ZW10: variants seen among roughly 807,000 people sequenced by gnomAD.
ZW10 encodes zw10 kinetochore protein.
A neutral mutation model predicts 87.8 loss-of-function variants in ZW10; 53 were observed. That is an observed-to-expected ratio of 0.60 (90% confidence interval 0.48 to 0.76). The LOEUF (loss-of-function observed/expected upper bound fraction) is 0.76. Ranked by LOEUF, ZW10 falls within the 30% of genes least tolerant of loss-of-function variation. The pLI is 0.00. For synonymous variants in ZW10, 312 were observed against 329.2 expected (o/e 0.95, Z 0.57); for missense variants, 837 against 923.0 (o/e 0.91, Z 1.21).
At chr11:113,741,030 G>A (rs994041954) in intron 11 of ZW10, among the ~76,000 whole-genome samples, 12 of 151,570 alleles carry the variant, frequency 7.9e-5, no homozygotes, top group African/African-American at 2.9e-4. Context: ...TTCACAATAA[G>A]CTTTTATAAT....
intron 11 of ZW10, among the ~76,000 whole-genome samples, chr11:113,740,195 G>A (rs202138725): frequency 2.1e-4 from 32 of 151,522 alleles, no homozygotes; most frequent in African/African-American, 6.8e-4. Flanking sequence ...TAAAAAAAAA[G>A]AAAAAAACAC....
intron 12 of ZW10, 60 bp downstream of exon 12, chr11:113,739,153 G>A: frequency 6.4e-7 from 1 of 1,571,652 alleles, no homozygotes; most frequent in Non-Finnish European, 8.6e-7. Flanking sequence ...AAACTATAAA[G>A]ATACTATGTT....
At chr11:113,737,749 C>T (rs1953570064) in intron 13 of ZW10, 46 bp from the exon 14 acceptor site, 1 of 1,546,040 alleles carries the variant, frequency 6.5e-7, no homozygotes, top group African/African-American at 1.4e-5. Flanking sequence ...ATTACTGTGA[C>T]TCGTATTTTC....
chr11:113,747,861 T>C (rs1204386807), intron 8 of ZW10, 148 bp from the exon 9 acceptor site: 1 of 541,440 alleles, frequency 1.8e-6, no homozygotes, highest in African/African-American at 1.9e-5. Context: ...AATATACATA[T>C]TTCCAGCCTT....
rs1234942955 is a variant in ZW10, at chr11:113,733,289, C to T, written c.*405G>A. On this transcript the variant is annotated 3_prime_UTR_variant, in exon 16 of 16. Transcript: ENST00000200135. The stretch of plus-strand genomic sequence containing the variant: ...CATTCCTCCCTTCCCCTCCTCCACA[C>T]CCCTAAAATATCTCCGATTTGCTCA... The T allele has an allele frequency of 6.2e-6, 1 of 161,470 alleles. No individual in the cohort carries two copies. The highest frequency in any genetic ancestry group is 1.4e-5 in the Non-Finnish European group (1 of 74,014). 10.0% of individuals were successfully genotyped at this position (161,470 alleles called of 1,614,324 possible). A position where few individuals can be genotyped will look rare whatever the true frequency, so the allele number is the denominator to read the frequency against.
At chr11:113,740,040 A>G (rs1421290112) in intron 11 of ZW10, among the ~76,000 whole-genome samples, 2 of 152,178 alleles carry the variant, frequency 1.3e-5, no homozygotes, top group Non-Finnish European at 2.9e-5. Flanking sequence ...TATTTCTGCT[A>G]TCTACCCACT....
rs1953846850 is a variant in ZW10, at chr11:113,760,572, C to T, written c.361G>A (p.Glu121Lys). 1.2e-6 allele frequency: 2 copies of T among 1,612,534 alleles called. No homozygotes were observed. Among genetic ancestry groups the T allele is most frequent in the East Asian group, 2.2e-5 (1 of 44,850 alleles). The change falls in exon 4 of 16, where the codon GAA (glutamate) becomes AAA (lysine). Residue 121 changes from glutamate (E) to lysine (K), a missense_variant. By Grantham distance (56) the Glu-to-Lys change is moderately conservative. Coordinates refer to ENST00000200135, the MANE Select transcript of ZW10 (RefSeq NM_004724.4). ...QLQEFSTAIE[E>K]YNCALTEKKY... ...TTCTCTGTTAATGCACAATTATATT[C>T]TTCAATAGCAGTGGAAAACTGAAAA...
Position 113,747,678 on chromosome 11 carries a change from T to C in ZW10, c.1125A>G (p.Leu375=). ...IQSTEEFENA[L]KEMRFLKGDT... ...CTCCTTTTAAAAATCTCATTTCCTT[T>C]AGGGCATTTTCAAATTCTTCAGTGG... The change falls in exon 9 of 16, where the codon CTA becomes CTG. Residue 375 remains leucine (L), a synonymous_variant. Coordinates refer to ENST00000200135, the MANE Select transcript of ZW10 (RefSeq NM_004724.4). 1.2e-6 allele frequency: 2 copies of C among 1,612,330 alleles called. No individual in the cohort carries two copies. The highest frequency in any genetic ancestry group is 1.7e-6 in the Non-Finnish European group (2 of 1,178,966).
rs1445028735 is a variant in ZW10, at chr11:113,733,637, A to G, written c.*57T>C. ...ATTCAAAGAAGTCTTTAAGGGAGTA[A>G]TTATGCCAAGGGAAGAATCCACATA... On this transcript the variant is annotated 3_prime_UTR_variant, in exon 16 of 16. Coordinates refer to ENST00000200135, the MANE Select transcript of ZW10 (RefSeq NM_004724.4). 1.2e-6 allele frequency: 2 copies of G among 1,610,834 alleles called. No homozygotes were observed. Among genetic ancestry groups the G allele is most frequent in the South Asian group, 1.1e-5 (1 of 90,660 alleles).
chr11:113,746,536 C>A (rs1953679230), intron 9 of ZW10, among the ~76,000 whole-genome samples: 1 of 148,454 alleles, frequency 6.7e-6, no homozygotes, highest in South Asian at 2.1e-4. Flanking sequence ...ACTCTACCCT[C>A]ATGGAGCTTA....
chr11:113,769,058 A>C, intron 1 of ZW10, 91 bp from the exon 2 acceptor site: 1 of 1,391,114 alleles, frequency 7.2e-7, no homozygotes, highest in Non-Finnish European at 9.9e-7. Context: ...GGCATTTTCC[A>C]TGTTAGAACC....
rs181660125 is a variant in ZW10, at chr11:113,753,921, G to T, written c.925+3741C>A. Among the ~76,000 whole-genome samples the T allele has an allele frequency of 4.6e-5, 7 of 152,328 alleles. No individual in the cohort carries two copies. In the South Asian group the frequency reaches 1.4e-3, roughly 32 times the overall value. On this transcript the variant is annotated intron_variant, in intron 7 of 15. Coordinates refer to ENST00000200135, the MANE Select transcript of ZW10 (RefSeq NM_004724.4). ...CTGTCTCCATAATAGAAAAGCTCAA[G>T]GTGAAGCAGCAAGTGCCAATGGAAA...
intron 11 of ZW10, among the ~76,000 whole-genome samples, chr11:113,739,648 T>C (rs1953593202): frequency 6.6e-6 from 1 of 152,214 alleles, no homozygotes; most frequent in Admixed American, 6.5e-5. Flanking sequence ...GAGTCAACTT[T>C]TTGCACTGAA....
intron 7 of ZW10, among the ~76,000 whole-genome samples, chr11:113,755,992 G>A (rs1432595622): frequency 1.3e-5 from 2 of 152,112 alleles, no homozygotes; most frequent in African/African-American, 4.8e-5. Flanking sequence ...TATATGCACT[G>A]GGAAATAAAA....
intron 11 of ZW10, 114 bp from the exon 12 acceptor site, chr11:113,739,496 C>A (rs1565279562): frequency 2.2e-6 from 2 of 927,710 alleles, no homozygotes; most frequent in Non-Finnish European, 3.2e-6. Flanking sequence ...TGTCTAGTTT[C>A]TAAATGCTAT....
intron 1 of ZW10, among the ~76,000 whole-genome samples, 183 bp downstream of exon 1, chr11:113,773,379 C>G (rs551783814): frequency 1.6e-4 from 24 of 152,152 alleles, no homozygotes; most frequent in African/African-American, 5.3e-4. Flanking sequence ...AAGATCCCTC[C>G]TCAATCCACA....
Position 113,758,612 on chromosome 11 carries a change from A to G in ZW10, c.675T>C (p.Ser225=). Residue 225 remains serine (S), a synonymous_variant, in exon 6 of 16, where the codon AGT becomes AGC. Coordinates refer to ENST00000200135, the MANE Select transcript of ZW10 (RefSeq NM_004724.4). Reference sequence around the variant, plus strand: ...GAACAGAAAATGCCAAGAGGACAGAACTGATGGGTGGCATAGGGGTCTTCT... The same window carrying G: ...GAACAGAAAATGCCAAGAGGACAGAGCTGATGGGTGGCATAGGGGTCTTCT... ...KEEKTPMPPI[S]SVLLAFSVLG... is the part of the protein sequence containing the mutation. 6.2e-7 allele frequency: 1 copy of G among 1,614,170 alleles called. No individual in the cohort carries two copies. The highest frequency in any genetic ancestry group is 1.7e-5 in the Admixed American group (1 of 60,020).
At chr11:113,762,178 T>C (rs2134892656) in intron 2 of ZW10, among the ~76,000 whole-genome samples, 1 of 152,316 alleles carries the variant, frequency 6.6e-6, no homozygotes, top group Admixed American at 6.5e-5. Context: ...TATAAAACTA[T>C]TGCTCTTAGG....
intron 7 of ZW10, among the ~76,000 whole-genome samples, chr11:113,753,416 GT>G (rs909352569): frequency 6.6e-6 from 1 of 151,816 alleles, no homozygotes; most frequent in East Asian, 1.9e-4. Flanking sequence ...GTTTTGTTTT[GT>G]TTTTTTGAGA....
Sources: gnomAD v4.1 joint callset for allele counts (sites outside exome capture counted in the v4.1 genomes callset) on GRCh38, gnomAD v4.1.1 for gene constraint, MANE v1.5 for transcripts, NCBI Gene and HGNC (gene_info 2026-07-23, HGNC 2026-07-21) for gene names.